Variants in TIAM1 observed in about 807,000 individuals in gnomAD.
TIAM1 encodes rho guanine nucleotide exchange factor TIAM1.
In TIAM1, 65 loss-of-function variants were observed where a neutral mutation model predicts 163.5. The ratio of observed to expected loss-of-function variants is 0.40; its 90% CI spans 0.33 to 0.49. The LOEUF is 0.49. TIAM1 is among the 20% of genes least tolerant of loss of function. The pLI, the probability that TIAM1 is intolerant of heterozygous loss-of-function variation, is 0.77. For missense variants in TIAM1, 1,789 were observed against 2,044.7 expected, an observed-to-expected ratio of 0.87 and a Z score of 2.41; for synonymous variants, 833 against 810.1, an observed-to-expected ratio of 1.03 and a Z score of -0.48.
intron 6 of TIAM1, among the ~76,000 whole-genome samples, chr21:31,228,240 A>G (rs1569068822): frequency 3.8e-4 from 18 of 46,856 alleles, no homozygotes; most frequent in African/African-American, 7.9e-4. Flanking sequence ...AAAAAAAAAA[A>G]AAAAAAAAAA....
intron 1 of TIAM1, among the ~76,000 whole-genome samples, chr21:31,494,583 G>A (rs1245571858): frequency 3.9e-5 from 6 of 152,034 alleles, no homozygotes; most frequent in Non-Finnish European, 5.9e-5. Context: ...AGTGGCTTAC[G>A]CCTGTAATCC....
intron 3 of TIAM1, among the ~76,000 whole-genome samples, chr21:31,270,885 C>T (rs1317627395): frequency 3.3e-5 from 5 of 152,150 alleles, no homozygotes; most frequent in East Asian, 3.9e-4. Flanking sequence ...TGTGCCTGTC[C>T]CTCTGCCTAG....
At chr21:31,322,727 C>T (rs1019370597) in intron 2 of TIAM1, among the ~76,000 whole-genome samples, 2 of 152,218 alleles carry the variant, frequency 1.3e-5, no homozygotes, top group Non-Finnish European at 2.9e-5. Flanking sequence ...AACAGCTAAC[C>T]CACAGTCTGT....
intron 4 of TIAM1, among the ~76,000 whole-genome samples, chr21:31,259,458 C>T (rs1203980039): frequency 6.6e-6 from 1 of 151,816 alleles, no homozygotes; most frequent in African/African-American, 2.4e-5. Flanking sequence ...TCCTCAAAAG[C>T]TGAACTGGTG....
At chr21:31,298,153 G>T (rs1199879247) in intron 2 of TIAM1, among the ~76,000 whole-genome samples, 2 of 152,042 alleles carry the variant, frequency 1.3e-5, no homozygotes, top group African/African-American at 2.4e-5. Context: ...ACCCAGGTGG[G>T]CTTCCTTCCA....
At chr21:31,213,866 C>CAAAAAAAAAAAAAAAAAAA (rs35524539) in intron 9 of TIAM1, among the ~76,000 whole-genome samples, 3 of 54,846 alleles carry the variant, frequency 5.5e-5, no homozygotes, top group African/African-American at 1.9e-4. Flanking sequence ...CTCATCTCTA[C>CAAAAAAAAAAAAAAAAAAA]AAAAAAAAAA....
intron 12 of TIAM1, among the ~76,000 whole-genome samples, chr21:31,201,084 T>C (rs1047380874): frequency 6.6e-6 from 1 of 152,206 alleles, no homozygotes; most frequent in African/African-American, 2.4e-5. Context: ...ATACCTCTTA[T>C]GTGAAAAATA....
At chr21:31,311,627 C>T (rs182614343) in intron 2 of TIAM1, among the ~76,000 whole-genome samples, 1 of 152,186 alleles carries the variant, frequency 6.6e-6, no homozygotes, top group Non-Finnish European at 1.5e-5. Context: ...CCTATTTATG[C>T]CTGGTACTTA....
At chr21:31,449,278 G>A (rs1010378155) in intron 2 of TIAM1, among the ~76,000 whole-genome samples, 6 of 151,950 alleles carry the variant, frequency 3.9e-5, no homozygotes, top group African/African-American at 1.2e-4. Context: ...ATTGTTATGA[G>A]ATGAGAAAGA....
At chr21:31,550,479 G>T (rs750889126) in intron 1 of TIAM1, among the ~76,000 whole-genome samples, 59 of 152,150 alleles carry the variant, frequency 3.9e-4, no homozygotes, top group Non-Finnish European at 7.3e-5. Context: ...CAAGTGCTGG[G>T]AGGAAGGGTA....
chr21:31,455,481 C>T (rs531496040), intron 2 of TIAM1, among the ~76,000 whole-genome samples: 39 of 151,246 alleles, frequency 2.6e-4, no homozygotes, highest in African/African-American at 9.2e-4. Context: ...GGTATGATCT[C>T]AGCTCACTTC....
intron 23 of TIAM1, among the ~76,000 whole-genome samples, chr21:31,133,861 A>G (rs2082512664): frequency 6.6e-6 from 1 of 152,148 alleles, no homozygotes; most frequent in African/African-American, 2.4e-5. Flanking sequence ...CAAGGTCAAG[A>G]GATTGAGACC....
At chr21:31,486,196 G>A (rs1463229440) in intron 1 of TIAM1, among the ~76,000 whole-genome samples, 1 of 152,200 alleles carries the variant, frequency 6.6e-6, no homozygotes, top group Non-Finnish European at 1.5e-5. Flanking sequence ...CCTTTAGGAG[G>A]AATGGGAGTC....
intron 2 of TIAM1, among the ~76,000 whole-genome samples, chr21:31,292,695 G>T (rs1344010645): frequency 7.0e-6 from 1 of 143,804 alleles, no homozygotes; most frequent in Non-Finnish European, 1.5e-5. Flanking sequence ...TTAAGACAAG[G>T]TCTCACTTTG....
chr21:31,322,597 A>C (rs955356112), intron 2 of TIAM1, among the ~76,000 whole-genome samples: 3 of 152,050 alleles, frequency 2.0e-5, no homozygotes, highest in Non-Finnish European at 4.4e-5. Context: ...CTTGGCCTCA[A>C]CAACCTGGCC....
At chr21:31,271,913 ATAAGT>A (rs1043720173) in intron 3 of TIAM1, among the ~76,000 whole-genome samples, 4 of 152,176 alleles carry the variant, frequency 2.6e-5, no homozygotes, top group African/African-American at 9.7e-5. Flanking sequence ...TCTTAAAGTG[ATAAGT>A]TAAACTTTTC....
chr21:31,376,037 T>A lies in TIAM1; in HGVS notation c.-368-36615A>T, dbSNP rs958188507. Among the ~76,000 whole-genome samples, 47 of 150,078 alleles carry A rather than the reference T, an allele frequency of 3.1e-4. No individual in the cohort carries two copies. In the South Asian group the frequency reaches 3.2e-3, roughly 10 times the overall value. On this transcript the variant is annotated intron_variant, in intron 2 of 28. Coordinates refer to the TIAM1 transcript ENST00000286827. ...GTGAGACTCCACCTCAAAAAAAATTTAAAAAAAAAAGAGTAGAAAAAAATA... is the reference window on the plus strand; with the variant it reads ...GTGAGACTCCACCTCAAAAAAAATTAAAAAAAAAAAGAGTAGAAAAAAATA...
chr21:31,260,176 T>TATAA (rs200859390), intron 4 of TIAM1, among the ~76,000 whole-genome samples: 4 of 146,938 alleles, frequency 2.7e-5, no homozygotes, highest in Admixed American at 6.8e-5. Context: ...ATATTTTTAA[T>TATAA]ATAAATAAAT....
chr21:31,127,302 A>T, intron 25 of TIAM1, 150 bp from the exon 26 acceptor site: 1 of 708,122 alleles, frequency 1.4e-6, no homozygotes, highest in Admixed American at 2.8e-5. Context: ...TCACAATCTA[A>T]AGAGATGAAG....
Sources: allele counts gnomAD v4.1 joint callset (sites outside exome capture counted in the v4.1 genomes callset), GRCh38; gene constraint gnomAD v4.1.1; transcripts MANE v1.5; gene names NCBI Gene and HGNC (gene_info 2026-07-23, HGNC 2026-07-21).